EPS8: variants seen among roughly 807,000 people sequenced by gnomAD.
The protein encoded by EPS8 is epidermal growth factor receptor kinase substrate 8.
EPS8 carries 42 observed loss-of-function variants against 103.8 expected under a neutral mutation model. The ratio of observed to expected loss-of-function variants is 0.40; its 90% confidence interval spans 0.32 to 0.52. The LOEUF (loss-of-function observed/expected upper bound fraction) is 0.52, where lower values mean the gene tolerates loss of function less well. Ranked by LOEUF, EPS8 falls within the 20% of genes least tolerant of loss-of-function variation. EPS8 has a pLI of 0.40. For missense variants in EPS8, 969 were observed against 1,005.1 expected (o/e 0.96, Z 0.49); for synonymous variants, 344 against 344.6 (o/e 1.00, Z 0.02).
intron 17 of EPS8, among the ~76,000 whole-genome samples, chr12:15,636,662 G>C (rs1055851517): frequency 6.6e-6 from 1 of 152,090 alleles, no homozygotes. Context: ...AAATGTAAGG[G>C]TATAAAAATA....
At chr12:15,708,552 A>G (rs1946419206) in intron 1 of EPS8, among the ~76,000 whole-genome samples, 1 of 152,214 alleles carries the variant, frequency 6.6e-6, no homozygotes, top group Non-Finnish European at 1.5e-5. Context: ...CAGCCAGGCA[A>G]TGTCTGAGAT....
intron 1 of EPS8, among the ~76,000 whole-genome samples, chr12:15,744,764 C>G (rs1037777627): frequency 1.3e-5 from 2 of 152,134 alleles, no homozygotes; most frequent in Non-Finnish European, 2.9e-5. Context: ...GGGAATAGTA[C>G]AAACAAGAAT....
chr12:15,667,076 A>C (rs1471275024), intron 6 of EPS8, among the ~76,000 whole-genome samples: 1 of 152,216 alleles, frequency 6.6e-6, no homozygotes, highest in Middle Eastern at 3.2e-3. Context: ...CTTTTCCAGA[A>C]CATTCAGTTA....
In EPS8 at chr12:15,751,508, A is replaced by G. The variant is rs977653424; in HGVS notation, c.-22+37653T>C. ...CCCAGTCCTAAAAAGCTCACATTCA[A>G]GTGTCCTCCAGACAAACCGGTCAAT... On this transcript the variant is annotated intron_variant, in intron 1 of 20. Transcript: ENST00000281172. The surrounding 1 kb of genome is among the most constrained non-coding windows in gnomAD (Gnocchi z 4.3). Among the ~76,000 whole-genome samples, 14 of 152,212 alleles carry G rather than the reference A, an allele frequency of 9.2e-5. No homozygotes were observed. The highest frequency in any genetic ancestry group is 1.9e-4 in the Non-Finnish European group (13 of 68,044).
rs763890008 is a variant in EPS8, at chr12:15,640,700, C to T, written c.1821+3G>A. The T allele has an allele frequency of 6.2e-6, 10 of 1,612,834 alleles. No homozygotes were observed. The highest frequency in any genetic ancestry group is 5.0e-5 in the Admixed American group (3 of 59,888). ...CTACATTTTACTAAGAAATCATGCTCACCTGTATAGTATGAGTATAAGGTG... is the reference window on the plus strand; with the variant it reads ...CTACATTTTACTAAGAAATCATGCTTACCTGTATAGTATGAGTATAAGGTG... On this transcript the variant is annotated splice_donor_region_variant and intron_variant, in intron 17 of 20. Transcript: ENST00000281172.
Position 15,777,922 on chromosome 12 carries a change from G to A in EPS8, c.-22+11239C>T, listed in dbSNP as rs940061876. 6.6e-6 allele frequency among the ~76,000 whole-genome samples: 1 copy of A among 152,180 alleles called. No individual in the cohort carries two copies. Among genetic ancestry groups the A allele is most frequent in the Non-Finnish European group, 1.5e-5 (1 of 68,028 alleles). On this transcript the variant is annotated intron_variant, in intron 1 of 20. Coordinates refer to ENST00000281172, the MANE Select transcript of EPS8 (RefSeq NM_004447.6). This position sits in a 1 kb window ranked among gnomAD's most constrained non-coding sequence, Gnocchi z 4.7. ...ATGTGAAATGTGGACAAAGTTTATG[G>A]ATGTTGTACTAACTGGGACTGAAAC...
rs1381288960 is a variant in EPS8, at chr12:15,716,372, A to T, written c.-21-33400T>A. 1.3e-5 allele frequency among the ~76,000 whole-genome samples: 2 copies of T among 152,166 alleles called. No individual in the cohort carries two copies. The highest frequency in any genetic ancestry group is 2.9e-5 in the Non-Finnish European group (2 of 68,030). On this transcript the variant is annotated intron_variant, in intron 1 of 20. Transcript: ENST00000281172. This position sits in a 1 kb window ranked among gnomAD's most constrained non-coding sequence, Gnocchi z 5.0. ...CTTATGAAAGGCTAATCTGGCACAG[A>T]CTGATATATGACAAATCATTGTCCA... is the stretch of plus-strand genomic sequence containing the variant.
chr12:15,766,280 C>A (rs1947095296), intron 1 of EPS8, among the ~76,000 whole-genome samples: 1 of 150,934 alleles, frequency 6.6e-6, no homozygotes, highest in South Asian at 2.1e-4. Flanking sequence ...GAGTTTCAGA[C>A]CATCCTGGCC....
At position 15,787,420 on chromosome 12, in the gene EPS8, C is replaced by G. The variant is rs1000352359; in HGVS notation, c.-22+1741G>C. On this transcript the variant is annotated intron_variant, in intron 1 of 20. Coordinates refer to ENST00000281172, the MANE Select transcript of EPS8 (RefSeq NM_004447.6). This position sits in a 1 kb window ranked among gnomAD's most constrained non-coding sequence, Gnocchi z 4.9. ...CAAAATAAATCTTTAAGTTTGATCACAAACAAGCAAAATATTCAAAATTAG... is the reference window on the plus strand; with the variant it reads ...CAAAATAAATCTTTAAGTTTGATCAGAAACAAGCAAAATATTCAAAATTAG... 6.6e-6 allele frequency among the ~76,000 whole-genome samples: 1 copy of G among 152,106 alleles called. No individual in the cohort carries two copies. The highest frequency in any genetic ancestry group is 2.4e-5 in the African/African-American group (1 of 41,430).
intron 1 of EPS8, among the ~76,000 whole-genome samples, chr12:15,755,658 C>T (rs1320024472): frequency 3.3e-5 from 5 of 152,170 alleles, no homozygotes; most frequent in Non-Finnish European, 2.9e-5. Context: ...CCCTCCTCGG[C>T]AAATCCTTAA....
At chr12:15,659,492 C>A (rs1945567132) in intron 10 of EPS8, among the ~76,000 whole-genome samples, 1 of 152,056 alleles carries the variant, frequency 6.6e-6, no homozygotes, top group Non-Finnish European at 1.5e-5. Flanking sequence ...TCTGGGTGAT[C>A]AAGAGGATAG....
At chr12:15,677,464 T>C (rs192779347) in intron 3 of EPS8, among the ~76,000 whole-genome samples, 2 of 152,288 alleles carry the variant, frequency 1.3e-5, no homozygotes, top group Non-Finnish European at 2.9e-5. Context: ...ACAGAGTATC[T>C]AGACTGTGGT....
intron 3 of EPS8, among the ~76,000 whole-genome samples, chr12:15,674,665 TA>T (rs1294541343): frequency 2.6e-5 from 4 of 152,194 alleles, no homozygotes; most frequent in Non-Finnish European, 2.9e-5. Context: ...TTCCATGAGG[TA>T]AAAAGGACTT....
At position 15,787,793 on chromosome 12, in the gene EPS8, A is replaced by G. The variant is rs1230662608; in HGVS notation, c.-22+1368T>C. On this transcript the variant is annotated intron_variant, in intron 1 of 20. Transcript: ENST00000281172. The surrounding 1 kb of genome is among the most constrained non-coding windows in gnomAD (Gnocchi z 4.9). ...ACCTTACCCTTTATGTGACAATTCTATACTGTTTTAACTGTCAAATTGTAA... is the reference window on the plus strand; with the variant it reads ...ACCTTACCCTTTATGTGACAATTCTGTACTGTTTTAACTGTCAAATTGTAA... Among the ~76,000 whole-genome samples, 1 of 152,306 alleles carries G rather than the reference A, an allele frequency of 6.6e-6. No homozygotes were observed. The highest frequency in any genetic ancestry group is 1.9e-4 in the East Asian group (1 of 5,188).
In EPS8 at chr12:15,647,260, G is replaced by A; in HGVS notation, c.1435C>T (p.His479Tyr). The A allele has an allele frequency of 6.2e-7, 1 of 1,610,508 alleles. No individual in the cohort carries two copies. Among genetic ancestry groups the A allele is most frequent in the Non-Finnish European group, 8.5e-7 (1 of 1,178,474 alleles). Residue 479 changes from histidine to tyrosine, a missense_variant and splice_region_variant, in exon 15 of 21, where the codon CAT becomes TAT. Physicochemically the swap from His to Tyr is moderately conservative, Grantham distance 83 (BLOSUM62 2). Coordinates refer to ENST00000281172, the MANE Select transcript of EPS8 (RefSeq NM_004447.6). ...KQEIKRLSTE[H>Y]SSVSEYHPAD... ...GGATGATACTCTGATACACTGGAAT[G>A]CTGAAAGACAAAGTGGGGCAGATTA...
intron 17 of EPS8, among the ~76,000 whole-genome samples, chr12:15,633,535 A>G (rs1945084750): frequency 6.6e-6 from 1 of 152,224 alleles, no homozygotes. Flanking sequence ...AAACTGTGTT[A>G]CTGTCACAAT....
intron 18 of EPS8, among the ~76,000 whole-genome samples, chr12:15,630,643 A>G (rs1336305725): frequency 6.6e-6 from 1 of 152,194 alleles, no homozygotes; most frequent in Non-Finnish European, 1.5e-5. Flanking sequence ...TTGGCAGGTG[A>G]TTATATTAAC....
At chr12:15,632,447 T>C (rs555070483) in intron 17 of EPS8, among the ~76,000 whole-genome samples, 5 of 151,914 alleles carry the variant, frequency 3.3e-5, no homozygotes, top group African/African-American at 1.2e-4. Flanking sequence ...GTTAACACTT[T>C]AAATCTAAGT....
chr12:15,620,570 C>T lies in EPS8; in HGVS notation c.*747G>A, dbSNP rs549430102. 16 of 152,722 alleles carry T rather than the reference C, an allele frequency of 1.0e-4. No individual in the cohort carries two copies. Among genetic ancestry groups the T allele is most frequent in the African/African-American group, 3.8e-4 (16 of 41,574 alleles). 9.5% of individuals were successfully genotyped at this position (152,722 alleles called of 1,614,324 possible). ...TAATGCACACCAATGCAGACTACTT[C>T]CTTTGCTAGATTTTGAGAAGACATG... On this transcript the variant is annotated 3_prime_UTR_variant, in exon 21 of 21. Coordinates refer to ENST00000281172, the MANE Select transcript of EPS8 (RefSeq NM_004447.6).
Sources: allele counts gnomAD v4.1 joint callset (sites outside exome capture counted in the v4.1 genomes callset), GRCh38; gene constraint gnomAD v4.1.1; non-coding constraint Gnocchi (gnomAD v3.1); transcripts MANE v1.5; gene names NCBI Gene and HGNC (gene_info 2026-07-23, HGNC 2026-07-21).